Variants in FANCM observed in about 807,000 individuals in gnomAD.
The protein encoded by FANCM is Fanconi anemia group M protein.
In FANCM, 140 loss-of-function variants were observed where a neutral mutation model predicts 199.5. The observed-to-expected ratio is 0.70, with a 90% CI of 0.61 to 0.81. The LOEUF is 0.81. FANCM is among the 30% of genes least tolerant of loss of function. The pLI, the probability that FANCM is intolerant of heterozygous loss-of-function variation, is 0.00. For missense variants in FANCM, 2,410 were observed against 2,421.4 expected (o/e 1.00, Z 0.10); for synonymous variants, 840 against 836.8 (o/e 1.00, Z -0.07).
Position 45,175,536 on chromosome 14 carries a change from C to A in FANCM, c.2782C>A (p.Gln928Lys). The change falls in exon 14 of 23, where the codon CAG (glutamine) becomes AAG (lysine). Residue 928 changes from glutamine to lysine, a missense_variant. Coordinates refer to ENST00000267430, the MANE Select transcript of FANCM (RefSeq NM_020937.4). The stretch of plus-strand genomic sequence containing the variant: ...ACCGTGTGTGTTATTAACAGAGTGT[C>A]AGTTTACAAATAAATCCACTAGTTC... ...KEPCVLLTEC[Q>K]FTNKSTSSLA... The A allele has an allele frequency of 6.2e-7, 1 of 1,612,594 alleles. No homozygotes were observed. The highest frequency in any genetic ancestry group is 1.1e-5 in the South Asian group (1 of 91,002).
chr14:45,137,358 C>CT, intron 2 of FANCM, 117 bp downstream of exon 2: 1 of 801,830 alleles, frequency 1.2e-6, no homozygotes, highest in Admixed American at 2.0e-5. Flanking sequence ...GCCTTTACGT[C>CT]TATTATCTCA....
chr14:45,159,520 A>G (rs1322722058), intron 9 of FANCM, among the ~76,000 whole-genome samples: 1 of 152,028 alleles, frequency 6.6e-6, no homozygotes, highest in Non-Finnish European at 1.5e-5. Context: ...CTGTGGAATT[A>G]TATTAACTGG....
In FANCM at chr14:45,185,313, C is replaced by T. The variant is rs760612745; in HGVS notation, c.4612C>T (p.Gln1538Ter). 1 of 1,594,440 alleles carries T rather than the reference C, an allele frequency of 6.3e-7. No homozygotes were observed. The highest frequency in any genetic ancestry group is 8.6e-7 in the Non-Finnish European group (1 of 1,164,614). ...TGAAAATGATGAGTCAGAAAATGAA[C>T]AAGATTCCTCATTACTTGACTTTTT... ...SDENDESENE[Q>*]DSSLLDFLND... Residue 1538 changes from glutamine to a stop codon, truncating the protein, a stop_gained, in exon 18 of 23, where the codon CAA becomes TAA. Transcript: ENST00000267430. LOFTEE classifies it high-confidence loss of function.
chr14:45,147,262 C>A (rs954973051), intron 3 of FANCM, among the ~76,000 whole-genome samples: 12 of 152,074 alleles, frequency 7.9e-5, no homozygotes, highest in African/African-American at 2.9e-4. Flanking sequence ...TTCCCCGCCC[C>A]CCCCAAAACC....
At chr14:45,160,005 T>G (rs1044737041) in intron 9 of FANCM, among the ~76,000 whole-genome samples, 6 of 101,908 alleles carry the variant, frequency 5.9e-5, no homozygotes, top group African/African-American at 2.1e-4. Context: ...TTTTTTTGTT[T>G]TTTTTTTTTT....
rs369233330 is a variant in FANCM at position 45,200,731 on chromosome 14, G to C, written c.*723G>C. On this transcript the variant is annotated 3_prime_UTR_variant, in exon 23 of 23. Coordinates refer to ENST00000267430, the MANE Select transcript of FANCM (RefSeq NM_020937.4). ...AGTGATAGTTCTCAGAGGATCTGAT[G>C]GTTTTATAAGCTTTTCCTCTGTTCA... The C allele has an allele frequency of 6.6e-6, 1 of 152,230 alleles. No homozygotes were observed. The highest frequency in any genetic ancestry group is 2.1e-4 in the South Asian group (1 of 4,824). The allele number at this position is 152,230 out of a possible 1,614,324, so 9.4% of individuals were successfully genotyped here. A position where few individuals can be genotyped will look rare whatever the true frequency, so the allele number is the denominator to read the frequency against.
At position 45,189,119 on chromosome 14, in the gene FANCM, A is replaced by T. The variant is rs886050503; in HGVS notation, c.5097A>T (p.Lys1699Asn). The change falls in exon 20 of 23, where the codon AAA becomes AAT. Residue 1699 changes from lysine (K) to asparagine (N), a missense_variant. Lys to Asn is a moderately conservative substitution (Grantham distance 94). Coordinates refer to ENST00000267430, the MANE Select transcript of FANCM (RefSeq NM_020937.4). ...AVNPSTVKKN[K>N]QQDHCLNSVP... ...ACCCAAGCACTGTTAAGAAGAACAA[A>T]CAACAGGACCATTGTTTAAATTCAG... 6.2e-7 allele frequency: 1 copy of T among 1,614,202 alleles called. No individual in the cohort carries two copies. Among genetic ancestry groups the T allele is most frequent in the African/African-American group, 1.3e-5 (1 of 75,072 alleles).
chr14:45,136,136 T>C lies in FANCM; in HGVS notation c.105T>C (p.Pro35=), dbSNP rs1190089439. The C allele has an allele frequency of 4.3e-6, 7 of 1,614,082 alleles. No individual in the cohort carries two copies. The highest frequency in any genetic ancestry group is 4.0e-5 in the African/African-American group (3 of 74,932). The change falls in exon 1 of 23, where the codon CCT becomes CCC. Residue 35 remains proline, a synonymous_variant. Coordinates refer to ENST00000267430, the MANE Select transcript of FANCM (RefSeq NM_020937.4). The part of the protein sequence containing the change: ...CSSGTERPQS[P]GSSKAPLPAA... ...CCGGAACTGAGCGACCTCAGAGCCC[T>C]GGCAGCTCCAAGGCGCCTTTGCCAG...
rs139134280 is a variant in FANCM, at chr14:45,144,503, T to C, written c.759+3794T>C. 1.3e-3 allele frequency among the ~76,000 whole-genome samples: 200 copies of C among 152,250 alleles called. 1 individual carries two copies. The highest frequency in any genetic ancestry group is 4.6e-3 in the African/African-American group (193 of 41,548). ...AGCCAGAAACTAGAGTCAGAAACCT[T>C]AGAAATCTACCTTGTGCTCTATACT... On this transcript the variant is annotated intron_variant, in intron 3 of 22. Transcript: ENST00000267430.
At position 45,181,628 on chromosome 14, in the gene FANCM, T is replaced by A; in HGVS notation, c.4318-9T>A. On this transcript the variant is annotated splice_polypyrimidine_tract_variant and intron_variant, in intron 15 of 22. Coordinates refer to ENST00000267430, the MANE Select transcript of FANCM (RefSeq NM_020937.4). ...TTTTGTTGCCTTTTACTTTATTTACTTACTTTAGGATCAGAAAAATAGTGA... is the reference window on the plus strand; with the variant it reads ...TTTTGTTGCCTTTTACTTTATTTACATACTTTAGGATCAGAAAAATAGTGA... The A allele has an allele frequency of 1.9e-6, 3 of 1,606,892 alleles. No homozygotes were observed. Among genetic ancestry groups the A allele is most frequent in the Non-Finnish European group, 2.6e-6 (3 of 1,173,844 alleles).
At chr14:45,193,756 A>G (rs1258388247) in intron 20 of FANCM, among the ~76,000 whole-genome samples, 2 of 149,888 alleles carry the variant, frequency 1.3e-5, no homozygotes, top group East Asian at 3.9e-4. Context: ...TGAGTTTTCT[A>G]ACTTTGTTTT....
At chr14:45,147,747 G>C (rs1322203805) in intron 3 of FANCM, among the ~76,000 whole-genome samples, 4 of 151,630 alleles carry the variant, frequency 2.6e-5, no homozygotes, top group African/African-American at 9.7e-5. Context: ...ACAAAAATTA[G>C]CTGGGCATGG....
rs1035431829 is a variant in FANCM, at chr14:45,136,000, T to C, written c.-32T>C. 2.5e-6 allele frequency: 4 copies of C among 1,611,872 alleles called. No homozygotes were observed. Among genetic ancestry groups the C allele is most frequent in the Non-Finnish European group, 3.4e-6 (4 of 1,179,592 alleles). ...GGTTGAGCTGCTGCTGCTACGGATATCTGACAGAAGCCTTCGGTGGTTGTC... is the reference window on the plus strand; with the variant it reads ...GGTTGAGCTGCTGCTGCTACGGATACCTGACAGAAGCCTTCGGTGGTTGTC... On this transcript the variant is annotated 5_prime_UTR_variant, in exon 1 of 23. Transcript: ENST00000267430.
At position 45,136,273 on chromosome 14, in the gene FANCM, C is replaced by T. The variant is rs538464580; in HGVS notation, c.242C>T (p.Ala81Val). Residue 81 changes from alanine (A) to valine (V), a missense_variant, in exon 1 of 23, where the codon GCC becomes GTC. Ala to Val is a moderately conservative substitution (Grantham distance 64). Coordinates refer to ENST00000267430, the MANE Select transcript of FANCM (RefSeq NM_020937.4). ...GGCGGGTTCTGCACCTCCGCGGGCG[C>T]CCTGTGGATTTACCCTACCAATTGC... Reference protein sequence around the residue: ...ENGGFCTSAGALWIYPTNCPV... With the variant: ...ENGGFCTSAGVLWIYPTNCPV... The T allele has an allele frequency of 1.0e-4, 162 of 1,614,120 alleles. 1 individual carries two copies. The South Asian group carries it at 1.4e-3, about 14-fold the overall frequency.
In FANCM at chr14:45,199,885, C is replaced by A. The variant is rs1245536802; in HGVS notation, c.6024C>A (p.Ile2008=). Residue 2008 remains isoleucine, a synonymous_variant, in exon 23 of 23, where the codon ATC becomes ATA. Transcript: ENST00000267430. ...KRMANSSLQE[I]SMYAQVTHQK... is the part of the protein sequence containing the mutation. ...TATTTTTCAGCTCACTTCAAGAAAT[C>A]TCCATGTATGCACAAGTAACTCATC... The A allele has an allele frequency of 5.0e-6, 8 of 1,612,020 alleles. No individual in the cohort carries two copies. Among genetic ancestry groups the A allele is most frequent in the Non-Finnish European group, 6.8e-6 (8 of 1,178,622 alleles).
At chr14:45,148,144 C>G (rs762490851) in intron 3 of FANCM, among the ~76,000 whole-genome samples, 4 of 151,552 alleles carry the variant, frequency 2.6e-5, no homozygotes, top group Non-Finnish European at 4.4e-5. Flanking sequence ...TTGCAGTTAG[C>G]CGATATCGTG....
intron 8 of FANCM, among the ~76,000 whole-genome samples, chr14:45,157,868 C>T (rs765909764): frequency 9.2e-5 from 14 of 152,100 alleles, no homozygotes; most frequent in South Asian, 2.1e-4. Context: ...ATGCGTAGTG[C>T]GGTCCTTGGA....
At chr14:45,199,000 G>A in intron 22 of FANCM, 65 bp downstream of exon 22, 3 of 1,315,902 alleles carry the variant, frequency 2.3e-6, no homozygotes, top group South Asian at 2.6e-5. Context: ...TTCCATAGAA[G>A]TTTAATGTTA....
chr14:45,148,290 T>A (rs1886573175), intron 3 of FANCM, among the ~76,000 whole-genome samples: 1 of 151,946 alleles, frequency 6.6e-6, no homozygotes, highest in Non-Finnish European at 1.5e-5. Flanking sequence ...TTTTTCTTTT[T>A]AATTGTTAAT....
Sources: gnomAD v4.1 joint callset for allele counts (sites outside exome capture counted in the v4.1 genomes callset) on GRCh38, gnomAD v4.1.1 for gene constraint, MANE v1.5 for transcripts, NCBI Gene and HGNC (gene_info 2026-07-23, HGNC 2026-07-21) for gene names.